Variants in PLCL1 observed in about 807,000 individuals in gnomAD.
PLCL1 encodes the protein inactive phospholipase C-like protein 1.
Under a neutral mutation model 84.4 loss-of-function variants are expected in PLCL1, and 41 were observed. The observed-to-expected ratio is 0.49, with a 90% CI of 0.38 to 0.63. PLCL1 has a LOEUF of 0.63. Ranked by LOEUF, PLCL1 falls within the 30% of genes least tolerant of loss-of-function variation. The pLI is 0.00. For missense variants in PLCL1, 1,206 were observed against 1,367.8 expected (o/e 0.88, Z 1.87); for synonymous variants, 490 against 488.3 (o/e 1.00, Z -0.05).
At chr2:198,008,604 G>A (rs951553990) in intron 1 of PLCL1, among the ~76,000 whole-genome samples, 1 of 150,736 alleles carries the variant, frequency 6.6e-6, no homozygotes, top group South Asian at 2.1e-4. Context: ...TTATTCATCT[G>A]TTGATGGACA....
At chr2:198,089,912 G>GT (rs754304783) in intron 3 of PLCL1, among the ~76,000 whole-genome samples, 12 of 152,112 alleles carry the variant, frequency 7.9e-5, no homozygotes, top group Non-Finnish European at 1.5e-4. Context: ...AAATTGACAT[G>GT]TTTTTTCTCT....
In PLCL1 at chr2:198,147,016, T is replaced by C; in HGVS notation, c.*54T>C. 1 of 1,404,984 alleles carries C rather than the reference T, an allele frequency of 7.1e-7. No individual in the cohort carries two copies. The allele number at this position is 1,404,984 out of a possible 1,614,324, so 87.0% of individuals were successfully genotyped here. A position where few individuals can be genotyped will look rare whatever the true frequency, so the allele number is the denominator to read the frequency against. On this transcript the variant is annotated 3_prime_UTR_variant, in exon 6 of 6. Transcript: ENST00000428675. ...TCTTATCAAGGACTCTGGTTTCTCA[T>C]TCTTGTTTTCTTTCTTTAAATGTTT...
intron 1 of PLCL1, among the ~76,000 whole-genome samples, chr2:197,913,090 A>C (rs1688523032): frequency 6.6e-6 from 1 of 152,230 alleles, no homozygotes; most frequent in South Asian, 2.1e-4. Flanking sequence ...ACCAAAGCTG[A>C]AAGTGTACAT....
rs568096818 is a variant in PLCL1 at position 198,085,002 on chromosome 2, C to T, written c.1485C>T (p.Cys495=). ...TCATTCTTTGCTTGGGAAATCACTGCTCCTTGCCGCAGCAGAAGGTAATGG... is the reference window on the plus strand; with the variant it reads ...TCATTCTTTGCTTGGGAAATCACTGTTCCTTGCCGCAGCAGAAGGTAATGG... ...YPLILCLGNH[C]SLPQQKVMAQ... Residue 495 remains cysteine (C), a synonymous_variant, in exon 2 of 6, where the codon TGC becomes TGT. Coordinates refer to ENST00000428675, the MANE Select transcript of PLCL1 (RefSeq NM_006226.4). This position sits in a 1 kb window ranked among gnomAD's most constrained non-coding sequence, Gnocchi z 5.3. 9.3e-6 allele frequency: 15 copies of T among 1,614,050 alleles called. No individual in the cohort carries two copies. In the South Asian group the frequency reaches 1.2e-4, roughly 13 times the overall value.
chr2:197,858,120 T>C (rs915946108), intron 1 of PLCL1, among the ~76,000 whole-genome samples: 1 of 152,040 alleles, frequency 6.6e-6, no homozygotes, highest in African/African-American at 2.4e-5. Flanking sequence ...TAAAACTTGG[T>C]GTGGAGTAGA....
intron 1 of PLCL1, among the ~76,000 whole-genome samples, chr2:197,919,649 A>G (rs1216948140): frequency 6.6e-6 from 1 of 152,218 alleles, no homozygotes; most frequent in Non-Finnish European, 1.5e-5. Flanking sequence ...CACCAATGAT[A>G]CAAGAGAGGA....
At chr2:198,037,429 T>C (rs979600408) in intron 1 of PLCL1, among the ~76,000 whole-genome samples, 4 of 152,252 alleles carry the variant, frequency 2.6e-5, no homozygotes, top group Non-Finnish European at 5.9e-5. Flanking sequence ...GAAAGCTGCT[T>C]AGTTTTGTTC....
At chr2:197,820,315 A>G (rs190417684) in intron 1 of PLCL1, among the ~76,000 whole-genome samples, 35 of 152,212 alleles carry the variant, frequency 2.3e-4, no homozygotes, top group Non-Finnish European at 3.4e-4. Flanking sequence ...GTGGCTTAAA[A>G]CAGCACAGAT....
intron 3 of PLCL1, among the ~76,000 whole-genome samples, chr2:198,092,593 C>T (rs1304014214): frequency 6.6e-6 from 1 of 152,066 alleles, no homozygotes; most frequent in Non-Finnish European, 1.5e-5. Flanking sequence ...TAACTATAGT[C>T]ACTACTGTGC....
At chr2:198,139,018 G>A (rs532709727) in intron 5 of PLCL1, among the ~76,000 whole-genome samples, 3 of 152,110 alleles carry the variant, frequency 2.0e-5, no homozygotes, top group Non-Finnish European at 4.4e-5. Context: ...AACTGGGTCT[G>A]GTGGCCTGTA....
intron 3 of PLCL1, among the ~76,000 whole-genome samples, chr2:198,090,031 A>G (rs1692982296): frequency 6.6e-6 from 1 of 152,162 alleles, no homozygotes. Context: ...ACAATTGGCA[A>G]TACAATTTAA....
chr2:197,891,540 T>C (rs962469703), intron 1 of PLCL1, among the ~76,000 whole-genome samples: 1 of 151,474 alleles, frequency 6.6e-6, no homozygotes, highest in Non-Finnish European at 1.5e-5. Context: ...TGCCAGATAC[T>C]GGAGGAGCTT....
intron 1 of PLCL1, among the ~76,000 whole-genome samples, chr2:198,050,246 C>T (rs1691894670): frequency 6.6e-6 from 1 of 152,058 alleles, no homozygotes; most frequent in Non-Finnish European, 1.5e-5. Flanking sequence ...GTTTTCATGG[C>T]TGTTTGTAGA....
chr2:197,893,903 C>T (rs953691045), intron 1 of PLCL1, among the ~76,000 whole-genome samples: 1 of 151,888 alleles, frequency 6.6e-6, no homozygotes, highest in Admixed American at 6.6e-5. Flanking sequence ...GACCCAGGCT[C>T]TTTGACTTTT....
intron 1 of PLCL1, among the ~76,000 whole-genome samples, chr2:197,891,267 A>AGTGT (rs1688021364): frequency 6.6e-6 from 1 of 152,166 alleles, no homozygotes; most frequent in Non-Finnish European, 1.5e-5. Flanking sequence ...CTAAGGATGG[A>AGTGT]GTGACCCCTT....
intron 1 of PLCL1, among the ~76,000 whole-genome samples, chr2:197,902,980 A>G (rs964843491): frequency 1.3e-5 from 2 of 152,222 alleles, no homozygotes; most frequent in African/African-American, 2.4e-5. Flanking sequence ...ACAGTTCATG[A>G]GATTTTACAA....
chr2:197,975,094 T>C (rs1689945980), intron 1 of PLCL1, among the ~76,000 whole-genome samples: 1 of 143,864 alleles, frequency 7.0e-6, no homozygotes, highest in South Asian at 2.2e-4. Flanking sequence ...TGAGCCGAGA[T>C]TGCGCCACTG....
chr2:197,967,328 C>G (rs1303419880), intron 1 of PLCL1, among the ~76,000 whole-genome samples: 1 of 152,164 alleles, frequency 6.6e-6, no homozygotes, highest in Non-Finnish European at 1.5e-5. Context: ...TCCAGGATAG[C>G]TGGGATTATA....
At chr2:198,063,102 T>C (rs1416601203) in intron 1 of PLCL1, among the ~76,000 whole-genome samples, 1 of 152,164 alleles carries the variant, frequency 6.6e-6, no homozygotes, top group African/African-American at 2.4e-5. Flanking sequence ...TCTCATTTAA[T>C]AGCTGGAAAT....
Sources: gnomAD v4.1 joint callset for allele counts (sites outside exome capture counted in the v4.1 genomes callset) on GRCh38, gnomAD v4.1.1 for gene constraint, Gnocchi (gnomAD v3.1) non-coding constraint, MANE v1.5 for transcripts, NCBI Gene and HGNC (gene_info 2026-07-23, HGNC 2026-07-21) for gene names.